SUPT3H: variants seen among roughly 807,000 people sequenced by gnomAD.
The protein encoded by SUPT3H is transcription initiation protein SPT3 homolog.
Under a neutral mutation model 44.3 loss-of-function variants are expected in SUPT3H, and 44 were observed. The observed-to-expected ratio is 0.99, with a 90% CI of 0.78 to 1.28. The LOEUF (loss-of-function observed/expected upper bound fraction) is 1.28. Among genes scored for constraint, SUPT3H ranks in the 50% most tolerant of loss-of-function variants. The probability of loss-of-function intolerance (pLI) is 0.00; values close to 1 mark genes in which losing one functional copy is unlikely to be tolerated. For missense variants in SUPT3H, 380 were observed against 387.1 expected, an observed-to-expected ratio of 0.98 and a Z score of 0.15; for synonymous variants, 124 against 125.6, an observed-to-expected ratio of 0.99 and a Z score of 0.09.
At chr6:44,818,252 A>G (rs979406212) in intron 11 of SUPT3H, among the ~76,000 whole-genome samples, 1 of 149,098 alleles carries the variant, frequency 6.7e-6, no homozygotes, top group Non-Finnish European at 1.5e-5. Flanking sequence ...ATCCACATCC[A>G]TATGCAAAAA....
intron 2 of SUPT3H, among the ~76,000 whole-genome samples, chr6:45,253,549 G>A (rs1467113973): frequency 6.6e-6 from 1 of 151,988 alleles, no homozygotes; most frequent in Non-Finnish European, 1.5e-5. Context: ...CAAGAACTTT[G>A]GGAGGCTGAA....
chr6:45,327,231 T>C (rs369269999), intron 2 of SUPT3H, among the ~76,000 whole-genome samples: 2 of 152,088 alleles, frequency 1.3e-5, no homozygotes, highest in East Asian at 3.9e-4. Context: ...TATTCCTTAC[T>C]ACACACAGCA....
At chr6:45,135,653 A>C (rs1388451926) in intron 2 of SUPT3H, among the ~76,000 whole-genome samples, 3 of 151,642 alleles carry the variant, frequency 2.0e-5, no homozygotes, top group Non-Finnish European at 4.4e-5. Flanking sequence ...TGCCCTTATA[A>C]AAGAAACCAC....
chr6:44,830,139 A>T (rs1340948020), intron 10 of SUPT3H, among the ~76,000 whole-genome samples: 1 of 152,202 alleles, frequency 6.6e-6, no homozygotes, highest in East Asian at 1.9e-4. Context: ...TGGTTAGGCC[A>T]AAGAGATGTA....
chr6:45,093,509 A>T (rs1797406853), intron 3 of SUPT3H, among the ~76,000 whole-genome samples: 1 of 152,172 alleles, frequency 6.6e-6, no homozygotes, highest in Admixed American at 6.5e-5. Flanking sequence ...AGATCTTGGG[A>T]AAGGAACTGG....
At chr6:45,305,119 T>A (rs115517511) in intron 2 of SUPT3H, among the ~76,000 whole-genome samples, 3,059 of 152,324 alleles carry the variant, frequency 0.02, 112 homozygotes, top group African/African-American at 0.069. Context: ...ACATGGCTAA[T>A]TATAGTTTGT....
chr6:44,824,041 A>G (rs1272030331), downstream of SUPT3H, among the ~76,000 whole-genome samples: 1 of 152,192 alleles, frequency 6.6e-6, no homozygotes, highest in Non-Finnish European at 1.5e-5. Flanking sequence ...GTAACCCCCC[A>G]GTCACTCATG....
At chr6:45,091,698 C>A (rs887758816) in intron 3 of SUPT3H, among the ~76,000 whole-genome samples, 1 of 152,040 alleles carries the variant, frequency 6.6e-6, no homozygotes, top group Non-Finnish European at 1.5e-5. Context: ...GCCACTCTGT[C>A]AAACTACAGA....
chr6:44,996,213 T>A (rs183430218), intron 6 of SUPT3H, among the ~76,000 whole-genome samples: 81 of 152,014 alleles, frequency 5.3e-4, no homozygotes, highest in Non-Finnish European at 1.1e-3. Context: ...ACAGTTAATG[T>A]GTTACCACTC....
At chr6:45,200,178 A>ATATT (rs1375105521) in intron 2 of SUPT3H, among the ~76,000 whole-genome samples, 1 of 151,590 alleles carries the variant, frequency 6.6e-6, no homozygotes, top group East Asian at 1.9e-4. Flanking sequence ...CTCAGTGTAA[A>ATATT]TATTTGTTAA....
chr6:45,114,053 ATTAT>A (rs1253725101), intron 2 of SUPT3H, among the ~76,000 whole-genome samples: 1 of 151,912 alleles, frequency 6.6e-6, no homozygotes, highest in Non-Finnish European at 1.5e-5. Flanking sequence ...GCAAAATTAA[ATTAT>A]TTATGATATA....
intron 1 of SUPT3H, among the ~76,000 whole-genome samples, chr6:45,374,568 T>G (rs12216308): frequency 0.21 from 32,475 of 152,212 alleles, 4,350 homozygotes; most frequent in Non-Finnish European, 0.31. Context: ...GGCTGAATTA[T>G]TTTTCATTAA....
chr6:44,856,498 C>G (rs1323471588), intron 10 of SUPT3H, among the ~76,000 whole-genome samples: 1 of 152,178 alleles, frequency 6.6e-6, no homozygotes, highest in Non-Finnish European at 1.5e-5. Flanking sequence ...TTCCCTCATG[C>G]ATTTATGGAA....
At chr6:45,306,508 C>A (rs1217881251) in intron 2 of SUPT3H, among the ~76,000 whole-genome samples, 5 of 152,184 alleles carry the variant, frequency 3.3e-5, no homozygotes, top group Non-Finnish European at 5.9e-5. Context: ...CAAGCGCCCT[C>A]ATAAGGTGAA....
At chr6:44,838,272 C>A (rs890165262) in intron 10 of SUPT3H, among the ~76,000 whole-genome samples, 1 of 152,184 alleles carries the variant, frequency 6.6e-6, no homozygotes, top group Non-Finnish European at 1.5e-5. Context: ...TCAAAAAACA[C>A]AGAGTACAAG....
intron 10 of SUPT3H, among the ~76,000 whole-genome samples, chr6:44,881,029 T>G (rs904961374): frequency 6.6e-6 from 1 of 152,138 alleles, no homozygotes; most frequent in Non-Finnish European, 1.5e-5. Context: ...GGCATCATAA[T>G]GACCAGATCA....
intron 10 of SUPT3H, among the ~76,000 whole-genome samples, chr6:44,887,448 C>T (rs1762508855): frequency 6.6e-6 from 1 of 152,184 alleles, no homozygotes; most frequent in African/African-American, 2.4e-5. Context: ...CAAACTAGAA[C>T]TCAGGATTAA....
chr6:45,085,490 A>G (rs1796371084), intron 3 of SUPT3H, among the ~76,000 whole-genome samples: 1 of 152,116 alleles, frequency 6.6e-6, no homozygotes. Flanking sequence ...CACCTGTTCT[A>G]GAGATACAAC....
chr6:44,891,183 G>A (rs1784512120), intron 10 of SUPT3H, among the ~76,000 whole-genome samples: 1 of 152,016 alleles, frequency 6.6e-6, no homozygotes, highest in Admixed American at 6.6e-5. Context: ...AAAATAAAAT[G>A]GTACAGCTGC....
Sources: gnomAD v4.1 joint callset for allele counts (sites outside exome capture counted in the v4.1 genomes callset) on GRCh38, gnomAD v4.1.1 for gene constraint, MANE v1.5 for transcripts, NCBI Gene and HGNC (gene_info 2026-07-23, HGNC 2026-07-21) for gene names.